Variants in ADAMTS7 observed in about 807,000 individuals in gnomAD.
The protein encoded by ADAMTS7 is ADAM metallopeptidase with thrombospondin type 1 motif 7, also known as A disintegrin and metalloproteinase with thrombospondin motifs 7.
Under a neutral mutation model 172.6 loss-of-function variants are expected in ADAMTS7, and 89 were observed. That is an observed-to-expected ratio of 0.52 (90% confidence interval 0.43 to 0.61). ADAMTS7 has a LOEUF of 0.61. Among genes scored for constraint, ADAMTS7 ranks in the 20% least tolerant of loss-of-function variants. The probability of loss-of-function intolerance (pLI) is 0.00; values close to 1 mark genes in which losing one functional copy is unlikely to be tolerated. For missense variants in ADAMTS7, 1,973 were observed against 2,355.6 expected (o/e 0.84, Z 3.36); for synonymous variants, 885 against 978.4 (o/e 0.90, Z 1.78).
chr15:78,788,615 C>A (rs1302840376), intron 7 of ADAMTS7, among the ~76,000 whole-genome samples: 2 of 152,266 alleles, frequency 1.3e-5, no homozygotes, highest in African/African-American at 2.4e-5. Flanking sequence ...AAATGAGGGC[C>A]AGGGACCCAG....
chr15:78,782,078 C>G (rs2055435715), intron 8 of ADAMTS7, among the ~76,000 whole-genome samples: 1 of 151,896 alleles, frequency 6.6e-6, no homozygotes, highest in Non-Finnish European at 1.5e-5. Context: ...GTCGCCCAAG[C>G]TGAACTGCAG....
At chr15:78,778,651 G>A (rs1033915906) in intron 8 of ADAMTS7, among the ~76,000 whole-genome samples, 3 of 152,170 alleles carry the variant, frequency 2.0e-5, no homozygotes, top group African/African-American at 7.2e-5. Context: ...AACAATGGAG[G>A]GAGGCAGGAC....
At chr15:78,794,793 C>T (rs1357612306) in intron 4 of ADAMTS7, among the ~76,000 whole-genome samples, 1 of 152,222 alleles carries the variant, frequency 6.6e-6, no homozygotes, top group East Asian at 1.9e-4. Flanking sequence ...TCTCAGCTCA[C>T]TGCAACCTTC....
Position 78,789,580 on chromosome 15 carries a change from G to C in ADAMTS7, c.1178+109C>G, listed in dbSNP as rs117380441. 8.1e-3 allele frequency: 11,732 copies of C among 1,440,776 alleles called. 61 individuals carry two copies. The highest frequency in any genetic ancestry group is 9.6e-3 in the Non-Finnish European group (10,205 of 1,058,944). 89.2% of individuals were successfully genotyped at this position (1,440,776 alleles called of 1,614,324 possible). The stretch of plus-strand genomic sequence containing the variant: ...GGCCAGTCAGGGCTCCTTTTCCAGA[G>C]AGCTTCCTTTCCCCTGGACTTTGTG... On this transcript the variant is annotated intron_variant, in intron 7 of 23. Coordinates refer to ENST00000388820, the MANE Select transcript of ADAMTS7 (RefSeq NM_014272.5).
chr15:78,772,548 T>G (rs1485345833), intron 14 of ADAMTS7, among the ~76,000 whole-genome samples: 1 of 152,240 alleles, frequency 6.6e-6, no homozygotes, highest in African/African-American at 2.4e-5. Flanking sequence ...CTGAGTTTTA[T>G]GATTCAGCTC....
intron 8 of ADAMTS7, among the ~76,000 whole-genome samples, chr15:78,786,430 T>A (rs2055503748): frequency 6.6e-6 from 1 of 152,202 alleles, no homozygotes; most frequent in Non-Finnish European, 1.5e-5. Flanking sequence ...TGTCAACAAC[T>A]GAGTAAGGGA....
In ADAMTS7 at chr15:78,766,897, C is replaced by T; in HGVS notation, c.3014G>A (p.Gly1005Asp). 1 of 1,609,506 alleles carries T rather than the reference C, an allele frequency of 6.2e-7. No individual in the cohort carries two copies. Among genetic ancestry groups the T allele is most frequent in the Non-Finnish European group, 8.5e-7 (1 of 1,179,006 alleles). ...RWPLGTLGPE[G>D]SGSGSSSHEL... is the part of the protein sequence containing the mutation. ...GTGGCTGGAGGAGCCGCTGCCTGAG[C>T]CTTCAGGGCCCAGTGTGCCCAGGGG... Residue 1005 changes from glycine to aspartate, a missense_variant, in exon 19 of 24, where the codon GGC becomes GAC. This residue lies in a region of ADAMTS7 where 771 missense variants were observed against 952.6 expected (regional missense o/e 0.81). Coordinates refer to ENST00000388820, the MANE Select transcript of ADAMTS7 (RefSeq NM_014272.5).
At chr15:78,778,739 T>A (rs1480159311) in intron 8 of ADAMTS7, among the ~76,000 whole-genome samples, 3 of 152,054 alleles carry the variant, frequency 2.0e-5, no homozygotes, top group Non-Finnish European at 4.4e-5. Flanking sequence ...CTGGGTGGCC[T>A]CAGGGCAGGT....
At chr15:78,810,997 G>T in intron 1 of ADAMTS7, 124 bp downstream of exon 1, 1 of 1,063,500 alleles carries the variant, frequency 9.4e-7, no homozygotes, top group Non-Finnish European at 1.2e-6. Context: ...AGCGGAAGAC[G>T]CGACCAACTC....
In ADAMTS7 at chr15:78,788,336, TCA is replaced by T; in HGVS notation, c.1215_1216del (p.Cys405Ter). The T allele has an allele frequency of 6.2e-7, 1 of 1,613,390 alleles. No homozygotes were observed. The highest frequency in any genetic ancestry group is 8.5e-7 in the Non-Finnish European group (1 of 1,180,008). On this transcript the variant is annotated stop_gained and frameshift_variant, in exon 8 of 24. Coordinates refer to ENST00000388820, the MANE Select transcript of ADAMTS7 (RefSeq NM_014272.5). LOFTEE classifies it high-confidence loss of function. ...GATGAAAGGTCGTTTCCCAACGGGC[TCA>T]CAGTCATTGCCGCTTCCGTCATGCT... is the stretch of plus-strand genomic sequence containing the variant.
intron 8 of ADAMTS7, among the ~76,000 whole-genome samples, chr15:78,784,940 CT>C (rs2055481197): frequency 6.6e-6 from 1 of 151,312 alleles, no homozygotes; most frequent in East Asian, 1.9e-4. Context: ...CAGAAAGCTG[CT>C]TGAGGATGTG....
In ADAMTS7 at chr15:78,811,130, G is replaced by T; in HGVS notation, c.91C>A (p.Pro31Thr). ...AGGGGCGGACACCCACCTGGTGCGG[G>T]TCCGGGGGCGCCGGGAGCCAGAGCG... Reference protein sequence around the residue: ...LCALAPGAPGPAPGRATEGRA... With the variant: ...LCALAPGAPGTAPGRATEGRA... Residue 31 changes from proline to threonine, a missense_variant, in exon 1 of 24, where the codon CCC (proline) becomes ACC (threonine). Pro to Thr is a conservative substitution (Grantham distance 38). Around this residue, in one of 8 missense-constraint regions of ADAMTS7, gnomAD observed 306 missense variants for 288.0 expected, o/e 1.06. Transcript: ENST00000388820. The T allele has an allele frequency of 8.1e-7, 1 of 1,230,032 alleles. No individual in the cohort carries two copies. Among genetic ancestry groups the T allele is most frequent in the Non-Finnish European group, 1.0e-6 (1 of 986,854 alleles). The allele number at this position is 1,230,032 out of a possible 1,614,324, so 76.2% of individuals were successfully genotyped here. A position where few individuals can be genotyped will look rare whatever the true frequency, so the allele number is the denominator to read the frequency against.
In ADAMTS7 at chr15:78,796,804, G is replaced by T; in HGVS notation, c.623-18C>A. ...TGGGTACACTGGAGGCCCAGATGGGGTGGAGTTAGCTGCCAGTGGACAGGC... is the reference window on the plus strand; with the variant it reads ...TGGGTACACTGGAGGCCCAGATGGGTTGGAGTTAGCTGCCAGTGGACAGGC... On this transcript the variant is annotated intron_variant, in intron 3 of 23. Coordinates refer to ENST00000388820, the MANE Select transcript of ADAMTS7 (RefSeq NM_014272.5). The T allele has an allele frequency of 6.3e-7, 1 of 1,596,300 alleles. No homozygotes were observed. The highest frequency in any genetic ancestry group is 1.3e-5 in the African/African-American group (1 of 74,722).
chr15:78,768,484 G>A (rs576539230), intron 16 of ADAMTS7, among the ~76,000 whole-genome samples: 156 of 152,290 alleles, frequency 1.0e-3, no homozygotes, highest in African/African-American at 3.4e-3. Flanking sequence ...TCTGACTGGA[G>A]GGGTGGCAGA....
chr15:78,773,075 C>T lies in ADAMTS7; in HGVS notation c.2131+8G>A, dbSNP rs754315554. 3.4e-6 allele frequency: 5 copies of T among 1,481,776 alleles called. 1 individual carries two copies. Among genetic ancestry groups the T allele is most frequent in the Non-Finnish European group, 4.6e-6 (5 of 1,081,302 alleles). 91.8% of individuals were successfully genotyped at this position (1,481,776 alleles called of 1,614,324 possible). A position where few individuals can be genotyped will look rare whatever the true frequency, so the allele number is the denominator to read the frequency against. ...CATACCCCTCCCCACAGCGGTCCCACCCCATACCCAGGCCCTCGGCCTCCT... is the reference window on the plus strand; with the variant it reads ...CATACCCCTCCCCACAGCGGTCCCATCCCATACCCAGGCCCTCGGCCTCCT... On this transcript the variant is annotated splice_region_variant and intron_variant, in intron 14 of 23. Coordinates refer to ENST00000388820, the MANE Select transcript of ADAMTS7 (RefSeq NM_014272.5).
chr15:78,781,112 G>C (rs61226407), intron 8 of ADAMTS7, among the ~76,000 whole-genome samples: 50,594 of 151,898 alleles, frequency 0.33, 8,853 homozygotes, highest in Middle Eastern at 0.43. Flanking sequence ...AAGGGCTTCA[G>C]GACCAGCCAG....
At chr15:78,767,779 G>A (rs571603883) in intron 17 of ADAMTS7, among the ~76,000 whole-genome samples, 187 bp from the exon 18 acceptor site, 90 of 152,122 alleles carry the variant, frequency 5.9e-4, no homozygotes, top group Middle Eastern at 3.4e-3. Flanking sequence ...CTGGTGACAT[G>A]GCACAGCCCC....
chr15:78,775,949 GTC>G (rs2141489485), intron 11 of ADAMTS7, among the ~76,000 whole-genome samples: 1 of 152,342 alleles, frequency 6.6e-6, no homozygotes, highest in South Asian at 2.1e-4. Flanking sequence ...CCTCTGATGA[GTC>G]TCTCTAGTCT....
At chr15:78,786,320 G>A (rs571621567) in intron 8 of ADAMTS7, among the ~76,000 whole-genome samples, 1 of 152,310 alleles carries the variant, frequency 6.6e-6, no homozygotes, top group Admixed American at 6.5e-5. Flanking sequence ...ATTCCTTGCT[G>A]CCCCATTTGC....
Sources: allele counts gnomAD v4.1 joint callset (sites outside exome capture counted in the v4.1 genomes callset), GRCh38; gene constraint gnomAD v4.1.1; regional missense constraint gnomAD v4.1.1; transcripts MANE v1.5; gene names NCBI Gene and HGNC (gene_info 2026-07-23, HGNC 2026-07-21).